The following AKAP8 variants were observed in gnomAD, a reference collection of about 807,000 sequenced individuals.
AKAP8 encodes A-kinase anchoring protein 8.
Under a neutral mutation model 67.5 loss-of-function variants are expected in AKAP8, and 24 were observed. The observed-to-expected ratio is 0.36, with a 90% confidence interval of 0.26 to 0.50. The LOEUF is 0.50. Among genes scored for constraint, AKAP8 ranks in the 20% least tolerant of loss-of-function variants. The probability of loss-of-function intolerance (pLI) is 0.97; values close to 1 mark genes in which losing one functional copy is unlikely to be tolerated. For missense variants in AKAP8, 971 were observed against 955.9 expected (o/e 1.02, Z -0.21); for synonymous variants, 400 against 371.1 (o/e 1.08, Z -0.90).
chr19:15,379,610 C>T (rs1447864627), intron 1 of AKAP8, 103 bp downstream of exon 1: 14 of 1,409,324 alleles, frequency 9.9e-6, no homozygotes, highest in Non-Finnish European at 1.3e-5. Context: ...GCTGGGGCAA[C>T]CACGCTCGGG....
At chr19:15,360,048 T>C (rs1041078484) in intron 12 of AKAP8, among the ~76,000 whole-genome samples, 9 of 151,718 alleles carry the variant, frequency 5.9e-5, no homozygotes, top group Non-Finnish European at 1.2e-4. Flanking sequence ...GGCTGGAGAA[T>C]TGCTTGAACC....
At chr19:15,361,705 A>G in intron 11 of AKAP8, 24 bp downstream of exon 11, 1 of 1,586,858 alleles carries the variant, frequency 6.3e-7, no homozygotes, top group Non-Finnish European at 8.7e-7. Context: ...CCAGGAAAGC[A>G]CTCATCCTGG....
intron 12 of AKAP8, among the ~76,000 whole-genome samples, chr19:15,360,043 G>A (rs1249991129): frequency 6.6e-6 from 1 of 151,936 alleles, no homozygotes; most frequent in Non-Finnish European, 1.5e-5. Flanking sequence ...GCTGAGGCTG[G>A]AGAATTGCTT....
chr19:15,369,041 A>G lies in AKAP8; in HGVS notation c.1073-719T>C. The G allele has an allele frequency of 1.0e-6, 1 of 985,736 alleles. No homozygotes were observed. Among genetic ancestry groups the G allele is most frequent in the Non-Finnish European group, 1.2e-6 (1 of 830,216 alleles). The allele number at this position is 985,736 out of a possible 1,614,324, so 61.1% of individuals were successfully genotyped here. On this transcript the variant is annotated intron_variant, in intron 8 of 13. Coordinates refer to ENST00000269701, the MANE Select transcript of AKAP8 (RefSeq NM_005858.4). This position sits in a 1 kb window ranked among gnomAD's most constrained non-coding sequence, Gnocchi z 4.6. The stretch of plus-strand genomic sequence containing the variant: ...GGGACGGACGCTGAAAAAAGGTTGG[A>G]GAAGCATCTGAACTGTAACCCCTAC...
intron 9 of AKAP8, among the ~76,000 whole-genome samples, chr19:15,364,126 G>T (rs373806667): frequency 9.7e-5 from 4 of 41,430 alleles, no homozygotes; most frequent in Non-Finnish European, 1.3e-4. Context: ...AAAAAAAAAA[G>T]AAACAGGATT....
chr19:15,368,371 G>A (rs1568426811), intron 8 of AKAP8, 49 bp from the exon 9 acceptor site: 2 of 1,611,518 alleles, frequency 1.2e-6, no homozygotes, highest in African/African-American at 1.3e-5. Context: ...CTGCAAAGGA[G>A]CTGAGCTCCA....
intron 13 of AKAP8, 38 bp downstream of exon 13, chr19:15,358,929 G>A (rs769760386): frequency 6.3e-7 from 1 of 1,589,436 alleles, no homozygotes; most frequent in Non-Finnish European, 8.6e-7. Flanking sequence ...CTTCCCTTTT[G>A]AAAGCTTTTC....
At chr19:15,364,390 G>A (rs1452843671) in intron 9 of AKAP8, among the ~76,000 whole-genome samples, 1 of 151,796 alleles carries the variant, frequency 6.6e-6, no homozygotes, top group Non-Finnish European at 1.5e-5. Context: ...TCCCTCTGTT[G>A]CCCAGGCTGG....
chr19:15,361,989 A>C, intron 10 of AKAP8, 121 bp downstream of exon 10: 1 of 1,437,350 alleles, frequency 7.0e-7, no homozygotes, highest in Non-Finnish European at 9.4e-7. Context: ...TTACACAGCT[A>C]CTCTATCTGG....
Position 15,373,229 on chromosome 19 carries a change from G to A in AKAP8, c.483C>T (p.Asp161=). The change falls in exon 5 of 14, where the codon GAC becomes GAT. Residue 161 remains aspartate (D), a synonymous_variant. Coordinates refer to ENST00000269701, the MANE Select transcript of AKAP8 (RefSeq NM_005858.4). The part of the protein sequence containing the change: ...SYDYEFDLGS[D]RNGSFGGQYS... ...ACTGCCCCCCAAAGCTGCCATTGCG[G>A]TCGGACCCCAGGTCGAACTCATAGT... The A allele has an allele frequency of 1.2e-6, 2 of 1,614,016 alleles. No individual in the cohort carries two copies. Among genetic ancestry groups the A allele is most frequent in the Non-Finnish European group, 1.7e-6 (2 of 1,180,034 alleles).
chr19:15,364,057 AAAATAAATAAATAAATAAAT>A (rs71176405), intron 9 of AKAP8, among the ~76,000 whole-genome samples: 166 of 83,022 alleles, frequency 2.0e-3, no homozygotes, highest in South Asian at 6.8e-3. Context: ...ATGATCAATA[AAAATAAATAAATAAATAAAT>A]AAATAAATAA....
In AKAP8 at chr19:15,364,373, C is replaced by T. The variant is rs532007203; in HGVS notation, c.1161-2122G>A. Among the ~76,000 whole-genome samples the T allele has an allele frequency of 2.2e-3, 326 of 150,686 alleles. 1 individual carries two copies. Among genetic ancestry groups the T allele is most frequent in the African/African-American group, 7.4e-3 (305 of 41,004 alleles). ...ATTTTATTTATTTATTTTTTTGAGA[C>T]GGAGTCTCCCTCTGTTGCCCAGGCT... is the stretch of plus-strand genomic sequence containing the variant. On this transcript the variant is annotated intron_variant, in intron 9 of 13. Transcript: ENST00000269701.
chr19:15,369,139 G>A lies in AKAP8; in HGVS notation c.1073-817C>T, dbSNP rs1255068322. 1 of 985,338 alleles carries A rather than the reference G, an allele frequency of 1.0e-6. No homozygotes were observed. Among genetic ancestry groups the A allele is most frequent in the Non-Finnish European group, 1.2e-6 (1 of 829,970 alleles). 61.0% of individuals were successfully genotyped at this position (985,338 alleles called of 1,614,324 possible). On this transcript the variant is annotated intron_variant, in intron 8 of 13. Transcript: ENST00000269701. This position sits in a 1 kb window ranked among gnomAD's most constrained non-coding sequence, Gnocchi z 4.6. ...GCGCTGCTCAGAAGCCTCTCAAAAG[G>A]GCGTGTGGGATTTTTGGCAAGAGGT...
intron 2 of AKAP8, among the ~76,000 whole-genome samples, chr19:15,375,828 C>T (rs942382291): frequency 6.6e-6 from 1 of 151,824 alleles, no homozygotes; most frequent in Non-Finnish European, 1.5e-5. Flanking sequence ...TTAGTAGAGA[C>T]GGGGTTTCAC....
chr19:15,361,050 C>T (rs1391657692), intron 11 of AKAP8, 72 bp from the exon 12 acceptor site: 1 of 1,548,192 alleles, frequency 6.5e-7, no homozygotes, highest in Admixed American at 1.8e-5. Context: ...CCATCTGGGC[C>T]CACGTTTTCT....
chr19:15,363,982 C>T (rs1967024275), intron 9 of AKAP8, among the ~76,000 whole-genome samples: 1 of 151,464 alleles, frequency 6.6e-6, no homozygotes. Flanking sequence ...CGTCACCACT[C>T]CCTAATCTCA....
rs770618850 is a variant in AKAP8 at position 15,373,814 on chromosome 19, C to A, written c.343G>T (p.Gly115Cys). The A allele has an allele frequency of 6.2e-7, 1 of 1,610,978 alleles. No homozygotes were observed. The highest frequency in any genetic ancestry group is 8.5e-7 in the Non-Finnish European group (1 of 1,179,774). ...TCCCGGTCCTGTATGCCCTCCCCAC[C>A]GCCGCCGCTCCCGCCCCTGCCTCCT... Reference protein sequence around the residue: ...KEGGRGGSGGGGEGIQDRESS... With the variant: ...KEGGRGGSGGCGEGIQDRESS... The change falls in exon 4 of 14, where the codon GGT becomes TGT. Residue 115 changes from glycine to cysteine, a missense_variant. Coordinates refer to ENST00000269701, the MANE Select transcript of AKAP8 (RefSeq NM_005858.4).
At chr19:15,374,331 C>A (rs559266717) in intron 3 of AKAP8, among the ~76,000 whole-genome samples, 1 of 152,184 alleles carries the variant, frequency 6.6e-6, no homozygotes, top group African/African-American at 2.4e-5. Context: ...TGACTGAGAG[C>A]CTGGGAACAG....
intron 9 of AKAP8, among the ~76,000 whole-genome samples, chr19:15,364,649 T>C (rs1967040915): frequency 6.6e-6 from 1 of 151,324 alleles, no homozygotes; most frequent in African/African-American, 2.4e-5. Context: ...GCGCCCAGCC[T>C]ATTTTTTTTT....
Sources: allele counts gnomAD v4.1 joint callset (sites outside exome capture counted in the v4.1 genomes callset), GRCh38; gene constraint gnomAD v4.1.1; non-coding constraint Gnocchi (gnomAD v3.1); transcripts MANE v1.5; gene names NCBI Gene and HGNC (gene_info 2026-07-23, HGNC 2026-07-21).